Variants in EXOSC6 observed in about 807,000 individuals in gnomAD.
EXOSC6 encodes the protein exosome complex component MTR3.
In EXOSC6, 21 loss-of-function variants were observed where a neutral mutation model predicts 16.7. That is an observed-to-expected ratio of 1.26 (90% CI 0.89 to 1.82). The LOEUF is 1.82. EXOSC6 is among the 40% of genes most tolerant of loss of function. The pLI is 0.00. For missense variants in EXOSC6, 538 were observed against 415.7 expected (o/e 1.29, Z -2.56); for synonymous variants, 297 against 217.1 (o/e 1.37, Z -3.24).
chr16:70,251,570 G>A lies in EXOSC6; in HGVS notation c.331C>T (p.Arg111Cys), dbSNP rs1225642442. ...RRAPFAGRRRRAPPGGCEERE... is the reference protein window; with the variant it reads ...RRAPFAGRRRCAPPGGCEERE... ...TCCTCGCAGCCGCCCGGGGGAGCGC[G>A]GCGCCGGCGGCCCGCGAAGGGTGCG... The change falls in exon 1 of 1, where the codon CGC (arginine) becomes TGC (cysteine). Residue 111 changes from arginine to cysteine, a missense_variant. Physicochemically the swap from Arg to Cys is radical, Grantham distance 180 (BLOSUM62 -3). Transcript: ENST00000435634. 1 of 1,110,650 alleles carries A rather than the reference G, an allele frequency of 9.0e-7. No homozygotes were observed. Among genetic ancestry groups the A allele is most frequent in the South Asian group, 4.2e-5 (1 of 23,596 alleles). The allele number at this position is 1,110,650 out of a possible 1,614,324, so 68.8% of individuals were successfully genotyped here.
At position 70,251,035 on chromosome 16, in the gene EXOSC6, G is replaced by A. The variant is rs201922942; in HGVS notation, c.*47C>T. ...TGGCGCGGGTCTTTTCGTGGACGGC[G>A]GCAGCACGGTCCTCGGCTTGCGTCC... On this transcript the variant is annotated 3_prime_UTR_variant, in exon 1 of 1. Coordinates refer to ENST00000435634, the MANE Select transcript of EXOSC6 (RefSeq NM_058219.3). The A allele has an allele frequency of 1.3e-4, 180 of 1,427,744 alleles. No homozygotes were observed. The highest frequency in any genetic ancestry group is 1.4e-4 in the East Asian group (5 of 36,358). 88.4% of individuals were successfully genotyped at this position (1,427,744 alleles called of 1,614,324 possible). A position where few individuals can be genotyped will look rare whatever the true frequency, so the allele number is the denominator to read the frequency against.
In EXOSC6 at chr16:70,251,190, C is replaced by G. The variant is rs1458900690; in HGVS notation, c.711G>C (p.Trp237Cys). The change falls in exon 1 of 1, where the codon TGG becomes TGC. Residue 237 changes from tryptophan to cysteine, a missense_variant. Physicochemically the swap from Trp to Cys is radical, Grantham distance 215. Coordinates refer to ENST00000435634, the MANE Select transcript of EXOSC6 (RefSeq NM_058219.3). ...CGAGGCCCAGGCGTACGGCCTCCGC[C>G]CAGCTCTCTGTCAGGCCGCCCTCGC... ...GSGEGGLTESWAEAVRLGLEG... is the reference protein window; with the variant it reads ...GSGEGGLTESCAEAVRLGLEG... The G allele has an allele frequency of 2.0e-6, 3 of 1,518,762 alleles. No homozygotes were observed. The highest frequency in any genetic ancestry group is 2.6e-6 in the Non-Finnish European group (3 of 1,141,418). 94.1% of individuals were successfully genotyped at this position (1,518,762 alleles called of 1,614,324 possible). A position where few individuals can be genotyped will look rare whatever the true frequency, so the allele number is the denominator to read the frequency against.
In EXOSC6 at chr16:70,250,894, T is replaced by C; in HGVS notation, c.*188A>G. ...TCCAGGGGCTGTTGAGTTTTGCCTT[T>C]ATCATTCCAAGTAGTCCCTGCTCCA... On this transcript the variant is annotated 3_prime_UTR_variant, in exon 1 of 1. Transcript: ENST00000435634. 1 of 656,204 alleles carries C rather than the reference T, an allele frequency of 1.5e-6. No homozygotes were observed. Among genetic ancestry groups the C allele is most frequent in the Non-Finnish European group, 2.2e-6 (1 of 444,904 alleles). The allele number at this position is 656,204 out of a possible 1,614,324, so 40.6% of individuals were successfully genotyped here.
rs201044031 is a variant in EXOSC6 at position 70,251,812 on chromosome 16, G to A, written c.89C>T (p.Thr30Ile). ...YAADEEEAPG[T>I]RDPTRLRPVY... ...GGGCCGTAGCCGCGTTGGGTCGCGG[G>A]TGCCGGGCGCCTCCTCCTCGTCGGC... The change falls in exon 1 of 1, where the codon ACC (threonine) becomes ATC (isoleucine). Residue 30 changes from threonine to isoleucine, a missense_variant. Thr to Ile is a moderately conservative substitution (Grantham distance 89). Coordinates refer to ENST00000435634, the MANE Select transcript of EXOSC6 (RefSeq NM_058219.3). The A allele has an allele frequency of 2.5e-4, 377 of 1,524,754 alleles. 6 individuals are homozygous for A. In the African/African-American group the frequency reaches 4.4e-3, roughly 18 times the overall value. The allele number at this position is 1,524,754 out of a possible 1,614,324, so 94.5% of individuals were successfully genotyped here.
rs1460030333 is a variant in EXOSC6, at chr16:70,250,574, C to T, written c.*508G>A. ...ATCCCAGCTACTTGGGAGGCTGAGG[C>T]AGGAGAATGGATTGAACCCAGGAGG... On this transcript the variant is annotated 3_prime_UTR_variant, in exon 1 of 1. Coordinates refer to ENST00000435634, the MANE Select transcript of EXOSC6 (RefSeq NM_058219.3). 6.8e-6 allele frequency: 1 copy of T among 147,406 alleles called. No individual in the cohort carries two copies. The highest frequency in any genetic ancestry group is 1.5e-5 in the Non-Finnish European group (1 of 67,688). The allele number at this position is 147,406 out of a possible 1,614,324, so 9.1% of individuals were successfully genotyped here. A position where few individuals can be genotyped will look rare whatever the true frequency, so the allele number is the denominator to read the frequency against.
chr16:70,246,960 T>A lies in EXOSC6; in HGVS notation c.*4122A>T. ...ACACACAACCATCCCCCTCACCCCATGATCTGAAAAGCGAAATGAGGAATT... is the reference window on the plus strand; with the variant it reads ...ACACACAACCATCCCCCTCACCCCAAGATCTGAAAAGCGAAATGAGGAATT... On this transcript the variant is annotated 3_prime_UTR_variant, in exon 1 of 1. Coordinates refer to ENST00000435634, the MANE Select transcript of EXOSC6 (RefSeq NM_058219.3). 2 of 540,314 alleles carry A rather than the reference T, an allele frequency of 3.7e-6. No individual in the cohort carries two copies. Among genetic ancestry groups the A allele is most frequent in the South Asian group, 2.9e-5 (2 of 69,466 alleles). The allele number at this position is 540,314 out of a possible 1,614,324, so 33.5% of individuals were successfully genotyped here. A position where few individuals can be genotyped will look rare whatever the true frequency, so the allele number is the denominator to read the frequency against.
At position 70,250,998 on chromosome 16, in the gene EXOSC6, A is replaced by T; in HGVS notation, c.*84T>A. 1 of 1,405,922 alleles carries T rather than the reference A, an allele frequency of 7.1e-7. No individual in the cohort carries two copies. Among genetic ancestry groups the T allele is most frequent in the Non-Finnish European group, 9.2e-7 (1 of 1,083,644 alleles). The allele number at this position is 1,405,922 out of a possible 1,614,324, so 87.1% of individuals were successfully genotyped here. A position where few individuals can be genotyped will look rare whatever the true frequency, so the allele number is the denominator to read the frequency against. ...GCCCTTCCAGGAATTCTCGACGCAA[A>T]CTGGAGGCCGATGGCGCGGGTCTTT... On this transcript the variant is annotated 3_prime_UTR_variant, in exon 1 of 1. Transcript: ENST00000435634.
rs752527501 is a variant in EXOSC6 at position 70,251,835 on chromosome 16, G to T, written c.66C>A (p.Ala22=). The T allele has an allele frequency of 6.5e-7, 1 of 1,544,676 alleles. No individual in the cohort carries two copies. Among genetic ancestry groups the T allele is most frequent in the Non-Finnish European group, 8.6e-7 (1 of 1,156,236 alleles). ...EESQPPQLYA[A]DEEEAPGTRD... is the part of the protein sequence containing the mutation. The stretch of plus-strand genomic sequence containing the variant: ...GGGTGCCGGGCGCCTCCTCCTCGTC[G>T]GCCGCGTACAGCTGCGGCGGCTGCG... Residue 22 remains alanine, a synonymous_variant, in exon 1 of 1, where the codon GCC becomes GCA. Transcript: ENST00000435634.
rs1311067707 is a variant in EXOSC6, at chr16:70,250,788, G to A, written c.*294C>T. The A allele has an allele frequency of 2.0e-5, 7 of 347,320 alleles. No individual in the cohort carries two copies. The highest frequency in any genetic ancestry group is 9.6e-5 in the Admixed American group (2 of 20,824). The allele number at this position is 347,320 out of a possible 1,614,324, so 21.5% of individuals were successfully genotyped here. On this transcript the variant is annotated 3_prime_UTR_variant, in exon 1 of 1. Coordinates refer to ENST00000435634, the MANE Select transcript of EXOSC6 (RefSeq NM_058219.3). ...GCAGGAGGATCAATCAAGGCTAGGAGTTTGAGACTGCAGAAAGAAACCCTG... is the reference window on the plus strand; with the variant it reads ...GCAGGAGGATCAATCAAGGCTAGGAATTTGAGACTGCAGAAAGAAACCCTG...
chr16:70,246,859 C>G lies in EXOSC6; in HGVS notation c.*4223G>C, dbSNP rs576700077. On this transcript the variant is annotated 3_prime_UTR_variant, in exon 1 of 1. Coordinates refer to ENST00000435634, the MANE Select transcript of EXOSC6 (RefSeq NM_058219.3). ...AGAAATAAAAATGCAGCATTTAACCCTGGAACCTCAAATATCACTGATTAT... is the reference window on the plus strand; with the variant it reads ...AGAAATAAAAATGCAGCATTTAACCGTGGAACCTCAAATATCACTGATTAT... The G allele has an allele frequency of 1.0e-5, 6 of 576,990 alleles. No homozygotes were observed. In the Admixed American group the frequency reaches 1.7e-4, roughly 17 times the overall value. The allele number at this position is 576,990 out of a possible 1,614,324, so 35.7% of individuals were successfully genotyped here.
Position 70,251,822 on chromosome 16 carries a change from C to T in EXOSC6, c.79G>A (p.Ala27Thr). 6 of 1,533,704 alleles carry T rather than the reference C, an allele frequency of 3.9e-6. No homozygotes were observed. The highest frequency in any genetic ancestry group is 5.2e-6 in the Non-Finnish European group (6 of 1,150,848). ...CGCGTTGGGTCGCGGGTGCCGGGCG[C>T]CTCCTCCTCGTCGGCCGCGTACAGC... ...PQLYAADEEEAPGTRDPTRLR... is the reference protein window; with the variant it reads ...PQLYAADEEETPGTRDPTRLR... Residue 27 changes from alanine to threonine, a missense_variant, in exon 1 of 1, where the codon GCG becomes ACG. Coordinates refer to ENST00000435634, the MANE Select transcript of EXOSC6 (RefSeq NM_058219.3).
rs2152148578 is a variant in EXOSC6, at chr16:70,251,781, G to A, written c.120C>T (p.Tyr40=). Residue 40 remains tyrosine (Y), a synonymous_variant, in exon 1 of 1, where the codon TAC becomes TAT. Coordinates refer to ENST00000435634, the MANE Select transcript of EXOSC6 (RefSeq NM_058219.3). ...CCTGGCTCAGCAGCCCGGCGCGCGC[G>A]TACACGGGCCGTAGCCGCGTTGGGT... ...TRDPTRLRPV[Y]ARAGLLSQAK... The A allele has an allele frequency of 1.4e-6, 2 of 1,462,976 alleles. No individual in the cohort carries two copies. Among genetic ancestry groups the A allele is most frequent in the Admixed American group, 2.6e-5 (1 of 38,692 alleles). The allele number at this position is 1,462,976 out of a possible 1,614,324, so 90.6% of individuals were successfully genotyped here.
In EXOSC6 at chr16:70,247,121, C is replaced by T. The variant is rs912631700; in HGVS notation, c.*3961G>A. ...AAAAAAATTGACTTGTAAATCCCAA[C>T]TACTCGGGAGGCTGAGACACAAGAA... is the stretch of plus-strand genomic sequence containing the variant. On this transcript the variant is annotated 3_prime_UTR_variant, in exon 1 of 1. Coordinates refer to ENST00000435634, the MANE Select transcript of EXOSC6 (RefSeq NM_058219.3). 3.4e-5 allele frequency: 11 copies of T among 326,198 alleles called. No homozygotes were observed. Among genetic ancestry groups the T allele is most frequent in the Non-Finnish European group, 5.8e-6 (1 of 172,160 alleles). 20.2% of individuals were successfully genotyped at this position (326,198 alleles called of 1,614,324 possible). A position where few individuals can be genotyped will look rare whatever the true frequency, so the allele number is the denominator to read the frequency against.
Position 70,249,079 on chromosome 16 carries a change from C to G in EXOSC6, c.*2003G>C, listed in dbSNP as rs1265635554. 1 of 144,986 alleles carries G rather than the reference C, an allele frequency of 6.9e-6. No individual in the cohort carries two copies. Among genetic ancestry groups the G allele is most frequent in the African/African-American group, 2.6e-5 (1 of 38,586 alleles). 9.0% of individuals were successfully genotyped at this position (144,986 alleles called of 1,614,324 possible). A position where few individuals can be genotyped will look rare whatever the true frequency, so the allele number is the denominator to read the frequency against. On this transcript the variant is annotated 3_prime_UTR_variant, in exon 1 of 1. Transcript: ENST00000435634. The stretch of plus-strand genomic sequence containing the variant: ...ACACAACAATACCATAATTTAATCA[C>G]TTAAAATCTTACTCAAAACTAAATC...
Position 70,249,812 on chromosome 16 carries a change from G to A in EXOSC6, c.*1270C>T, listed in dbSNP as rs1165954492. On this transcript the variant is annotated 3_prime_UTR_variant, in exon 1 of 1. Coordinates refer to ENST00000435634, the MANE Select transcript of EXOSC6 (RefSeq NM_058219.3). ...TAAAAATACAAAAAGTTAGCTGGGT[G>A]TGGTGGCAGGTGCCTGTAGTCCCAG... 1 of 152,084 alleles carries A rather than the reference G, an allele frequency of 6.6e-6. No homozygotes were observed. The highest frequency in any genetic ancestry group is 1.5e-5 in the Non-Finnish European group (1 of 68,026). 9.4% of individuals were successfully genotyped at this position (152,084 alleles called of 1,614,324 possible).
At position 70,251,177 on chromosome 16, in the gene EXOSC6, G is replaced by A. The variant is rs1031216495; in HGVS notation, c.724C>T (p.Arg242Cys). 3 of 1,526,474 alleles carry A rather than the reference G, an allele frequency of 2.0e-6. No individual in the cohort carries two copies. Among genetic ancestry groups the A allele is most frequent in the Non-Finnish European group, 2.6e-6 (3 of 1,145,890 alleles). 94.6% of individuals were successfully genotyped at this position (1,526,474 alleles called of 1,614,324 possible). The part of the protein sequence containing the change: ...GLTESWAEAV[R>C]LGLEGCQRLY... ...CGCTGGCAGCCCTCGAGGCCCAGGC[G>A]TACGGCCTCCGCCCAGCTCTCTGTC... Residue 242 changes from arginine (R) to cysteine (C), a missense_variant, in exon 1 of 1, where the codon CGC becomes TGC. By Grantham distance (180) the Arg-to-Cys change is radical. Coordinates refer to ENST00000435634, the MANE Select transcript of EXOSC6 (RefSeq NM_058219.3).
rs1779365510 is a variant in EXOSC6 at position 70,247,785 on chromosome 16, T to G, written c.*3297A>C. 6.6e-6 allele frequency: 1 copy of G among 152,234 alleles called. No homozygotes were observed. The highest frequency in any genetic ancestry group is 2.4e-5 in the African/African-American group (1 of 41,468). The allele number at this position is 152,234 out of a possible 1,614,324, so 9.4% of individuals were successfully genotyped here. ...AACCATCATTTTAGGCTGGGTGCAGTGGCTCACACCTGTAACCCCAGCACT... is the reference window on the plus strand; with the variant it reads ...AACCATCATTTTAGGCTGGGTGCAGGGGCTCACACCTGTAACCCCAGCACT... On this transcript the variant is annotated 3_prime_UTR_variant, in exon 1 of 1. Coordinates refer to ENST00000435634, the MANE Select transcript of EXOSC6 (RefSeq NM_058219.3).
chr16:70,250,242 T>C lies in EXOSC6; in HGVS notation c.*840A>G, dbSNP rs1472225535. 1 of 131,236 alleles carries C rather than the reference T, an allele frequency of 7.6e-6. No individual in the cohort carries two copies. The highest frequency in any genetic ancestry group is 4.5e-5 in the African/African-American group (1 of 22,188). The allele number at this position is 131,236 out of a possible 1,614,324, so 8.1% of individuals were successfully genotyped here. On this transcript the variant is annotated 3_prime_UTR_variant, in exon 1 of 1. Coordinates refer to ENST00000435634, the MANE Select transcript of EXOSC6 (RefSeq NM_058219.3). ...AAACAAACAGGAAACCATCTCTACA[T>C]TTTTTTTACTCAATCGACCCTGAAT... is the stretch of plus-strand genomic sequence containing the variant.
At position 70,251,762 on chromosome 16, in the gene EXOSC6, T is replaced by C; in HGVS notation, c.139A>G (p.Ser47Gly). The C allele has an allele frequency of 3.5e-6, 5 of 1,434,480 alleles. No homozygotes were observed. The highest frequency in any genetic ancestry group is 4.5e-6 in the Non-Finnish European group (5 of 1,105,390). 88.9% of individuals were successfully genotyped at this position (1,434,480 alleles called of 1,614,324 possible). A position where few individuals can be genotyped will look rare whatever the true frequency, so the allele number is the denominator to read the frequency against. Residue 47 changes from serine to glycine, a missense_variant, in exon 1 of 1, where the codon AGC becomes GGC. Physicochemically the swap from Ser to Gly is moderately conservative, Grantham distance 56 (BLOSUM62 0). Coordinates refer to ENST00000435634, the MANE Select transcript of EXOSC6 (RefSeq NM_058219.3). ...RPVYARAGLL[S>G]QAKGSAYLEA... ...AGGTAGGCCGAGCCCTTGGCCTGGC[T>C]CAGCAGCCCGGCGCGCGCGTACACG... is the stretch of plus-strand genomic sequence containing the variant.
Sources: gnomAD v4.1 joint callset for allele counts on GRCh38, gnomAD v4.1.1 for gene constraint, MANE v1.5 for transcripts, NCBI Gene and HGNC (gene_info 2026-07-23, HGNC 2026-07-21) for gene names.